Variants in TLR6 observed in about 807,000 individuals in gnomAD.
TLR6 encodes toll-like receptor 6.
Under a neutral mutation model 16.1 loss-of-function variants are expected in TLR6, and 9 were observed. The observed-to-expected ratio is 0.56, with a 90% CI of 0.34 to 0.98. The LOEUF (loss-of-function observed/expected upper bound fraction) is 0.98. Among genes scored for constraint, TLR6 ranks in the 50% least tolerant of loss-of-function variants. The pLI is 0.02. For synonymous variants in TLR6, 340 were observed against 338.6 expected, an observed-to-expected ratio of 1.00 and a Z score of -0.04; for missense variants, 786 against 921.0, an observed-to-expected ratio of 0.85 and a Z score of 1.90.
chr4:38,868,090 T>C, the TLR6 span: 1 of 420,360 alleles, frequency 2.4e-6, no homozygotes, highest in South Asian at 1.7e-5. Context: ...TCGCTCCGGG[T>C]CCACGCTCAT....
intron 1 of TLR6, among the ~76,000 whole-genome samples, chr4:38,831,267 T>A (rs1711561929): frequency 6.8e-6 from 1 of 146,618 alleles, no homozygotes; most frequent in African/African-American, 2.6e-5. Flanking sequence ...CAACAAATGG[T>A]GCTGGAACAA....
chr4:38,823,465 C>G (rs192833074), downstream of TLR6, among the ~76,000 whole-genome samples: 21 of 152,334 alleles, frequency 1.4e-4, 1 homozygote, highest in Admixed American at 8.5e-4. Context: ...GACACCTTTC[C>G]TCATCCAAAC....
intron 1 of TLR6, among the ~76,000 whole-genome samples, chr4:38,832,824 C>T (rs1318546525): frequency 6.6e-6 from 1 of 152,194 alleles, no homozygotes; most frequent in Admixed American, 6.5e-5. Flanking sequence ...CACCTAGTGG[C>T]TTTCCCTGGG....
chr4:38,828,396 A>T (rs1186396206), exon 2 of TLR6: 2 of 1,613,056 alleles, frequency 1.2e-6, no homozygotes, highest in South Asian at 2.2e-5. Context: ...TTCTGGGTAA[A>T]GTTCAAAAAC....
the TLR6 span, chr4:38,867,554 G>A: frequency 5.9e-5 from 9 of 152,230 alleles, no homozygotes; most frequent in South Asian, 1.9e-3. Flanking sequence ...CGAACCCCGA[G>A]ACCCACCCGC....
the TLR6 span, among the ~76,000 whole-genome samples, chr4:38,862,301 T>G: frequency 6.6e-5 from 10 of 152,198 alleles, no homozygotes; most frequent in African/African-American, 2.4e-4. Flanking sequence ...TTATTTTAGA[T>G]AAGGTTTCAC....
At chr4:38,839,362 A>C (rs1444472194) in intron 1 of TLR6, among the ~76,000 whole-genome samples, 2 of 152,218 alleles carry the variant, frequency 1.3e-5, no homozygotes, top group Non-Finnish European at 2.9e-5. Context: ...TTACTAGGCA[A>C]AGGCTTTAAA....
chr4:38,834,592 ACAGT>A (rs1198180709), intron 1 of TLR6, among the ~76,000 whole-genome samples: 1 of 152,206 alleles, frequency 6.6e-6, no homozygotes, highest in Non-Finnish European at 1.5e-5. Context: ...GAGGAAGATC[ACAGT>A]CAAACTCTCA....
At chr4:38,829,218 T>A (rs1727707983) in exon 2 of TLR6, 4 of 1,614,038 alleles carry the variant, frequency 2.5e-6, no homozygotes, top group African/African-American at 1.3e-5. Context: ...TGGATTCTGT[T>A]ATGGGAAAGT....
chr4:38,849,143 A>T (rs1579258679), intron 1 of TLR6, among the ~76,000 whole-genome samples: 1 of 152,198 alleles, frequency 6.6e-6, no homozygotes, highest in African/African-American at 2.4e-5. Context: ...TAAAGAAAAG[A>T]ATTTTCAACC....
At chr4:38,828,978 T>C (rs1193350277) in exon 2 of TLR6, 1 of 1,613,888 alleles carries the variant, frequency 6.2e-7, no homozygotes, top group Non-Finnish European at 8.5e-7. Flanking sequence ...AAGTGAGCAA[T>C]TGGCAGCAAA....
At chr4:38,845,893 A>G (rs1187239080) in intron 1 of TLR6, among the ~76,000 whole-genome samples, 1 of 152,026 alleles carries the variant, frequency 6.6e-6, no homozygotes, top group Admixed American at 6.6e-5. Flanking sequence ...GAAGTTCGAG[A>G]CCAGCCTGGC....
At chr4:38,848,526 C>G (rs1193650616) in intron 1 of TLR6, among the ~76,000 whole-genome samples, 4 of 152,188 alleles carry the variant, frequency 2.6e-5, no homozygotes, top group African/African-American at 9.7e-5. Flanking sequence ...AGCTAAAAAC[C>G]TTGACAAAAG....
chr4:38,839,013 G>C (rs1579249596), intron 1 of TLR6, among the ~76,000 whole-genome samples: 2 of 139,324 alleles, frequency 1.4e-5, no homozygotes, highest in African/African-American at 2.8e-5. Flanking sequence ...GAGAAGGAGA[G>C]AGAGAAAGAA....
At chr4:38,848,763 G>T (rs535910299) in intron 1 of TLR6, among the ~76,000 whole-genome samples, 1 of 152,328 alleles carries the variant, frequency 6.6e-6, no homozygotes, top group South Asian at 2.1e-4. Flanking sequence ...AAGCCTCCAA[G>T]AAATATGGGA....
At chr4:38,833,677 T>C (rs1711748521) in intron 1 of TLR6, among the ~76,000 whole-genome samples, 1 of 152,054 alleles carries the variant, frequency 6.6e-6, no homozygotes, top group South Asian at 2.1e-4. Flanking sequence ...AGGAACACAA[T>C]AATTCTCTAA....
At chr4:38,841,055 G>A (rs2109446766) in intron 1 of TLR6, among the ~76,000 whole-genome samples, 1 of 152,022 alleles carries the variant, frequency 6.6e-6, no homozygotes, top group South Asian at 2.1e-4. Context: ...TTGGGGGGTG[G>A]GGTGGATGGT....
At chr4:38,866,596 C>T in the TLR6 span, among the ~76,000 whole-genome samples, 1 of 151,950 alleles carries the variant, frequency 6.6e-6, no homozygotes, top group African/African-American at 2.4e-5. Context: ...AATATAATTA[C>T]AAACATATTG....
At chr4:38,866,973 C>G in the TLR6 span, among the ~76,000 whole-genome samples, 2 of 152,148 alleles carry the variant, frequency 1.3e-5, no homozygotes, top group Non-Finnish European at 2.9e-5. Flanking sequence ...GTATTTCCTC[C>G]GACTTTTATA....
Sources: allele counts gnomAD v4.1 joint callset (sites outside exome capture counted in the v4.1 genomes callset), GRCh38; gene constraint gnomAD v4.1.1; transcripts MANE v1.5; gene names NCBI Gene and HGNC (gene_info 2026-07-23, HGNC 2026-07-21).